NIBAN2: variants seen among roughly 807,000 people sequenced by gnomAD.
The protein encoded by NIBAN2 is niban apoptosis regulator 2, also known as protein Niban 2.
Under a neutral mutation model 81.8 loss-of-function variants are expected in NIBAN2, and 36 were observed. The observed-to-expected ratio is 0.44, with a 90% CI of 0.34 to 0.58. The LOEUF (loss-of-function observed/expected upper bound fraction) is 0.58, where lower values mean the gene tolerates loss of function less well. NIBAN2 is among the 20% of genes least tolerant of loss of function. The pLI is 0.02. For missense variants in NIBAN2, 897 were observed against 1,014.1 expected (o/e 0.88, Z 1.57); for synonymous variants, 445 against 441.6 (o/e 1.01, Z -0.10).
At chr9:127,552,617 C>G (rs2132223465) in intron 1 of NIBAN2, among the ~76,000 whole-genome samples, 2 of 151,544 alleles carry the variant, frequency 1.3e-5, no homozygotes, top group South Asian at 4.2e-4. Context: ...AAAAGCCTAA[C>G]TGCCTGGCAA....
intron 1 of NIBAN2, among the ~76,000 whole-genome samples, chr9:127,539,426 C>T (rs1321953511): frequency 6.6e-6 from 1 of 152,206 alleles, no homozygotes; most frequent in Non-Finnish European, 1.5e-5. Context: ...AACCGAGGCT[C>T]AGAGGGCAAA....
At chr9:127,565,196 A>G (rs1385314238) in intron 1 of NIBAN2, among the ~76,000 whole-genome samples, 1 of 152,006 alleles carries the variant, frequency 6.6e-6, no homozygotes, top group Admixed American at 6.6e-5. Context: ...TCCCCAGCTC[A>G]AGCAATCCGC....
At chr9:127,535,920 G>C (rs1007305197) in intron 1 of NIBAN2, among the ~76,000 whole-genome samples, 6 of 152,072 alleles carry the variant, frequency 3.9e-5, no homozygotes, top group Admixed American at 1.3e-4. Flanking sequence ...GGCATCGGAG[G>C]GGGTACTGAG....
At chr9:127,576,147 C>T (rs552917421) in intron 1 of NIBAN2, among the ~76,000 whole-genome samples, 1 of 152,168 alleles carries the variant, frequency 6.6e-6, no homozygotes, top group African/African-American at 2.4e-5. Context: ...GTATGATGTG[C>T]AGAACACTAT....
intron 1 of NIBAN2, among the ~76,000 whole-genome samples, chr9:127,549,799 C>T (rs2132219728): frequency 6.6e-6 from 1 of 152,318 alleles, no homozygotes; most frequent in South Asian, 2.1e-4. Context: ...TTGGTCTGTA[C>T]TCTAAGCTCA....
intron 1 of NIBAN2, among the ~76,000 whole-genome samples, chr9:127,567,237 C>T (rs1171750414): frequency 6.6e-6 from 1 of 152,100 alleles, no homozygotes; most frequent in East Asian, 1.9e-4. Context: ...CACACCCCAC[C>T]CAGGCCCCTC....
In NIBAN2 at chr9:127,536,843, C is replaced by T. The variant is rs1195980841; in HGVS notation, c.56-5065G>A. On this transcript the variant is annotated intron_variant, in intron 1 of 13. Transcript: ENST00000373312. The surrounding 1 kb of genome is among the most constrained non-coding windows in gnomAD (Gnocchi z 4.0). The stretch of plus-strand genomic sequence containing the variant: ...ACAGGGCCCCACAGGCCCCCTACCT[C>T]CCCTTAGAGGGCAGAGAGGAAACTG... Among the ~76,000 whole-genome samples the T allele has an allele frequency of 6.6e-6, 1 of 152,224 alleles. No homozygotes were observed. Among genetic ancestry groups the T allele is most frequent in the East Asian group, 1.9e-4 (1 of 5,198 alleles).
intron 5 of NIBAN2, among the ~76,000 whole-genome samples, chr9:127,520,741 A>G (rs554172088): frequency 1.6e-4 from 24 of 152,134 alleles, no homozygotes; most frequent in East Asian, 7.8e-4. Flanking sequence ...AAAATTAGCC[A>G]GGTGTGGTGG....
rs765598721 is a variant in NIBAN2, at chr9:127,508,208, G to A, written c.1435-8C>T. 2 of 1,608,290 alleles carry A rather than the reference G, an allele frequency of 1.2e-6. No individual in the cohort carries two copies. The highest frequency in any genetic ancestry group is 3.3e-5 in the Admixed American group (2 of 59,952). On this transcript the variant is annotated splice_region_variant and splice_polypyrimidine_tract_variant and intron_variant, in intron 11 of 13. Coordinates refer to ENST00000373312, the MANE Select transcript of NIBAN2 (RefSeq NM_022833.4). The surrounding 1 kb of genome is among the most constrained non-coding windows in gnomAD (Gnocchi z 6.4). ...GCTGTCGTAGTCGTATTTCTGCAGG[G>A]AACAAGGGGGTCGGGGGTCTGCAGG... is the stretch of plus-strand genomic sequence containing the variant.
At chr9:127,523,204 T>A (rs1299814330) in intron 5 of NIBAN2, among the ~76,000 whole-genome samples, 290 of 2,760 alleles carry the variant, frequency 0.11, 98 homozygotes, top group African/African-American at 0.18. Flanking sequence ...TATATATATA[T>A]ATATATATAT....
chr9:127,560,989 A>G (rs1380037246), intron 1 of NIBAN2, among the ~76,000 whole-genome samples: 4 of 152,230 alleles, frequency 2.6e-5, no homozygotes, highest in Non-Finnish European at 5.9e-5. Flanking sequence ...AGAGTCACAC[A>G]GCAAGTGGTC....
rs1836984293 is a variant in NIBAN2, at chr9:127,523,190, AAAATATATATATATATATATAT to A, written c.589+467_589+488del. Reference sequence around the variant, plus strand: ...GTTTTAAAAAAAAAAAAAAAAAAAAAAAATATATATATATATATATATATATATATATATATATATATATATA... The same window carrying A: ...GTTTTAAAAAAAAAAAAAAAAAAAAAATATATATATATATATATATATATA... On this transcript the variant is annotated intron_variant, in intron 5 of 13. Coordinates refer to ENST00000373312, the MANE Select transcript of NIBAN2 (RefSeq NM_022833.4). 2.2e-4 allele frequency among the ~76,000 whole-genome samples: 5 copies of A among 22,990 alleles called. 1 individual carries two copies. Among genetic ancestry groups the A allele is most frequent in the South Asian group, 2.1e-3 (1 of 484 alleles). 15.1% of individuals were successfully genotyped at this position (22,990 alleles called of 152,430 possible). A position where few individuals can be genotyped will look rare whatever the true frequency, so the allele number is the denominator to read the frequency against.
At chr9:127,547,106 G>A (rs1435649010) in intron 1 of NIBAN2, among the ~76,000 whole-genome samples, 2 of 152,086 alleles carry the variant, frequency 1.3e-5, no homozygotes, top group Non-Finnish European at 2.9e-5. Flanking sequence ...CCCTTCAACA[G>A]TGCAGTGTCA....
intron 1 of NIBAN2, among the ~76,000 whole-genome samples, chr9:127,533,738 G>A (rs1324144342): frequency 6.6e-6 from 1 of 152,262 alleles, no homozygotes; most frequent in African/African-American, 2.4e-5. Context: ...GGCTAGGAAG[G>A]CAGGACCTCT....
rs1472818037 is a variant in NIBAN2 at position 127,510,209 on chromosome 9, G to A, written c.1098C>T (p.Phe366=). 6.2e-7 allele frequency: 1 copy of A among 1,614,142 alleles called. No individual in the cohort carries two copies. The highest frequency in any genetic ancestry group is 8.5e-7 in the Non-Finnish European group (1 of 1,179,994). ...QGFTEVRDVF[F]KEVTDMNLNV... is the part of the protein sequence containing the mutation. ...TCAGGTTCATGTCCGTGACCTCCTT[G>A]AAGAAGACATCTCGCACCTCAGTGA... The change falls in exon 9 of 14, where the codon TTC becomes TTT. Residue 366 remains phenylalanine (F), a synonymous_variant. Transcript: ENST00000373312.
Position 127,508,080 on chromosome 9 carries a change from G to C in NIBAN2, c.1542+13C>G. 1 of 1,611,458 alleles carries C rather than the reference G, an allele frequency of 6.2e-7. No homozygotes were observed. ...TAGGGCCCAAACGGCTGGAGCAGGT[G>C]GGGGCTGCTCACCGACTTGCAGGTA... is the stretch of plus-strand genomic sequence containing the variant. On this transcript the variant is annotated intron_variant, in intron 12 of 13. Transcript: ENST00000373312. The surrounding 1 kb of genome is among the most constrained non-coding windows in gnomAD (Gnocchi z 6.4).
At chr9:127,564,939 G>T (rs1303751593) in intron 1 of NIBAN2, among the ~76,000 whole-genome samples, 1 of 152,082 alleles carries the variant, frequency 6.6e-6, no homozygotes, top group Admixed American at 6.6e-5. Flanking sequence ...GTTTGGAAAT[G>T]GTGACACACC....
intron 5 of NIBAN2, among the ~76,000 whole-genome samples, chr9:127,521,070 C>G (rs534316184): frequency 3.3e-4 from 50 of 152,240 alleles, no homozygotes; most frequent in African/African-American, 7.0e-4. Flanking sequence ...AGACCTCCAG[C>G]TGGGAGAGAA....
intron 1 of NIBAN2, 62 bp downstream of exon 1, chr9:127,568,758 G>A: frequency 8.2e-7 from 1 of 1,219,504 alleles, no homozygotes; most frequent in South Asian, 3.2e-5. Flanking sequence ...TGGCCGGGGC[G>A]GGGGCGTGGT....
Sources: gnomAD v4.1 joint callset for allele counts (sites outside exome capture counted in the v4.1 genomes callset) on GRCh38, gnomAD v4.1.1 for gene constraint, Gnocchi (gnomAD v3.1) non-coding constraint, MANE v1.5 for transcripts, NCBI Gene and HGNC (gene_info 2026-07-23, HGNC 2026-07-21) for gene names.